TGM3: variants seen among roughly 807,000 people sequenced by gnomAD.
TGM3 encodes protein-glutamine gamma-glutamyltransferase E.
TGM3 carries 52 observed loss-of-function variants against 73.8 expected under a neutral mutation model. The ratio of observed to expected loss-of-function variants is 0.70; its 90% CI spans 0.56 to 0.89. The LOEUF (loss-of-function observed/expected upper bound fraction) is 0.89, where lower values mean the gene tolerates loss of function less well. TGM3 is among the 40% of genes least tolerant of loss of function. The pLI is 0.00. For synonymous variants in TGM3, 372 were observed against 354.9 expected, an observed-to-expected ratio of 1.05 and a Z score of -0.54; for missense variants, 928 against 909.9, an observed-to-expected ratio of 1.02 and a Z score of -0.26.
intron 4 of TGM3, 147 bp downstream of exon 4, chr20:2,311,276 A>G: frequency 1.5e-6 from 1 of 671,024 alleles, no homozygotes; most frequent in Non-Finnish European, 2.7e-6. Flanking sequence ...TTCATTGGCC[A>G]CCTATTATGT....
chr20:2,339,971 G>A lies in TGM3; in HGVS notation c.1918G>A (p.Gly640Ser). Residue 640 changes from glycine to serine, a missense_variant, in exon 12 of 13, where the codon GGT (glycine) becomes AGT (serine). Coordinates refer to ENST00000381458, the MANE Select transcript of TGM3 (RefSeq NM_003245.4). ...GGTGGAGGGAAGCGGCCTGCTGTTG[G>A]GTAACCTGAAGATCGAGTGAGTCCT... ...LMVEGSGLLL[G>S]NLKIDVPTLG... The A allele has an allele frequency of 6.9e-7, 1 of 1,439,040 alleles. No homozygotes were observed. The highest frequency in any genetic ancestry group is 9.3e-7 in the Non-Finnish European group (1 of 1,069,636). The allele number at this position is 1,439,040 out of a possible 1,614,324, so 89.1% of individuals were successfully genotyped here.
chr20:2,300,380 C>A (rs976408931), intron 1 of TGM3, among the ~76,000 whole-genome samples: 1 of 152,144 alleles, frequency 6.6e-6, no homozygotes, highest in African/African-American at 2.4e-5. Flanking sequence ...TTCTTCTGGG[C>A]AGCTGGGGTT....
chr20:2,314,173 C>T lies in TGM3; in HGVS notation c.669+1147C>T, dbSNP rs545820049. 2.2e-3 allele frequency among the ~76,000 whole-genome samples: 333 copies of T among 151,592 alleles called. 5 individuals are homozygous for T. The highest frequency in any genetic ancestry group is 6.9e-3 in the Middle Eastern group (2 of 290). On this transcript the variant is annotated intron_variant, in intron 5 of 12. Transcript: ENST00000381458. ...TGACAGAGTAAGACCCTATCTCAAA[C>T]AAACAAACAAAAATTAGCCAAGCAT...
Position 2,296,178 on chromosome 20 carries a change from G to T in TGM3, c.7+108G>T, listed in dbSNP as rs899957062. 4.4e-6 allele frequency: 6 copies of T among 1,361,138 alleles called. No individual in the cohort carries two copies. In the African/African-American group the frequency reaches 8.7e-5, roughly 20 times the overall value. The allele number at this position is 1,361,138 out of a possible 1,614,324, so 84.3% of individuals were successfully genotyped here. A position where few individuals can be genotyped will look rare whatever the true frequency, so the allele number is the denominator to read the frequency against. On this transcript the variant is annotated intron_variant, in intron 1 of 12. Transcript: ENST00000381458. ...GGCCAGGACAGCTGCCTGCCTTGGG[G>T]GCTCTGAAGGCCAGACTTCCTATTT...
intron 5 of TGM3, among the ~76,000 whole-genome samples, chr20:2,313,650 C>T (rs1192857902): frequency 1.9e-5 from 2 of 106,874 alleles, no homozygotes; most frequent in African/African-American, 5.0e-5. Flanking sequence ...CAATCACACA[C>T]ACTCTCTCTC....
intron 1 of TGM3, among the ~76,000 whole-genome samples, chr20:2,302,140 C>T (rs1273224950): frequency 6.6e-6 from 1 of 152,202 alleles, no homozygotes; most frequent in Non-Finnish European, 1.5e-5. Context: ...TAGCATCACT[C>T]CATGTTGGGC....
intron 11 of TGM3, among the ~76,000 whole-genome samples, chr20:2,338,693 T>G (rs2084363956): frequency 6.6e-6 from 1 of 152,150 alleles, no homozygotes; most frequent in African/African-American, 2.4e-5. Flanking sequence ...GCTCTGAGGA[T>G]TAGTGACAAG....
chr20:2,301,592 C>T (rs1367330284), intron 1 of TGM3, among the ~76,000 whole-genome samples: 3 of 151,744 alleles, frequency 2.0e-5, no homozygotes, highest in South Asian at 2.1e-4. Context: ...AAGCATTAGC[C>T]GTGTGAAACC....
rs1323668999 is a variant in TGM3 at position 2,328,202 on chromosome 20, C to T, written c.1170C>T (p.Phe390=). 4.3e-6 allele frequency: 7 copies of T among 1,614,030 alleles called. No individual in the cohort carries two copies. The highest frequency in any genetic ancestry group is 1.7e-5 in the Admixed American group (1 of 59,996). The change falls in exon 9 of 13, where the codon TTC becomes TTT. Residue 390 remains phenylalanine, a synonymous_variant. Transcript: ENST00000381458. This position sits in a 1 kb window ranked among gnomAD's most constrained non-coding sequence, Gnocchi z 5.2. The part of the protein sequence containing the change: ...VQLNFDMPFI[F]AEVNADRITW... The stretch of plus-strand genomic sequence containing the variant: ...TGAACTTCGACATGCCCTTTATCTT[C>T]GCGGAGGTTAATGCCGACCGCATCA...
intron 5 of TGM3, among the ~76,000 whole-genome samples, chr20:2,313,442 C>A (rs2084217371): frequency 6.6e-6 from 1 of 152,184 alleles, no homozygotes; most frequent in East Asian, 1.9e-4. Flanking sequence ...CTTTGCCTAA[C>A]TCATCTCTTC....
chr20:2,300,961 C>A (rs973906920), intron 1 of TGM3, among the ~76,000 whole-genome samples: 1 of 152,046 alleles, frequency 6.6e-6, no homozygotes. Context: ...CCAGGTCTCA[C>A]TGTCCCTCTT....
At chr20:2,327,643 T>C (rs941194500) in intron 8 of TGM3, among the ~76,000 whole-genome samples, 3 of 152,184 alleles carry the variant, frequency 2.0e-5, no homozygotes, top group African/African-American at 4.8e-5. Flanking sequence ...TCTATCTATC[T>C]AAGCTTCCTA....
chr20:2,326,863 G>A lies in TGM3; in HGVS notation c.1087+911G>A, dbSNP rs116443222. Among the ~76,000 whole-genome samples the A allele has an allele frequency of 8.0e-3, 1,211 of 151,810 alleles. 15 individuals carry two copies. Among genetic ancestry groups the A allele is most frequent in the African/African-American group, 0.027 (1,115 of 41,302 alleles). ...GACTCCGTCTAAAAAAAAAAAATGT[G>A]ATATATGAAGTAATATGTGCATGTA... On this transcript the variant is annotated intron_variant, in intron 8 of 12. Transcript: ENST00000381458.
chr20:2,296,162 AGCTGCCTGCCTTGGGGG>A, intron 1 of TGM3, 92 bp downstream of exon 1: 1 of 1,491,178 alleles, frequency 6.7e-7, no homozygotes, highest in Non-Finnish European at 9.1e-7. Context: ...CGGCCAGGAC[AGCTGCCTGCCTTGGGGG>A]CTCTGAAGGC....
intron 9 of TGM3, among the ~76,000 whole-genome samples, chr20:2,329,679 T>C (rs1365337130): frequency 6.6e-6 from 1 of 152,104 alleles, no homozygotes; most frequent in African/African-American, 2.4e-5. Context: ...GAAGGTGAAC[T>C]CTAGCCCTAC....
rs543569609 is a variant in TGM3, at chr20:2,312,833, T to A, written c.541-65T>A. ...TTCCTGTGGTTCTTGCCAGTGCAGT[T>A]CCCTTCTTGAGCCAACTCTCCTTGT... On this transcript the variant is annotated intron_variant, in intron 4 of 12. Coordinates refer to ENST00000381458, the MANE Select transcript of TGM3 (RefSeq NM_003245.4). 1.0e-5 allele frequency: 16 copies of A among 1,603,000 alleles called. No homozygotes were observed. The African/African-American group carries it at 1.5e-4, about 15-fold the overall frequency.
In TGM3 at chr20:2,339,914, C is replaced by T. The variant is rs913476273; in HGVS notation, c.1861C>T (p.Leu621=). The change falls in exon 12 of 13, where the codon CTG becomes TTG. Residue 621 remains leucine (L), a synonymous_variant. Transcript: ENST00000381458. ...VNVQMLFSNP[L]DEPVRDCVLM... is the part of the protein sequence containing the mutation. ...CGTGCAGATGCTCTTCTCCAATCCA[C>T]TGGATGAGCCGGTGAGGGACTGCGT... 2.6e-5 allele frequency: 42 copies of T among 1,612,924 alleles called. No homozygotes were observed. The highest frequency in any genetic ancestry group is 3.2e-5 in the Non-Finnish European group (38 of 1,179,456).
chr20:2,321,693 T>C (rs1192366301), intron 7 of TGM3, among the ~76,000 whole-genome samples: 1 of 152,172 alleles, frequency 6.6e-6, no homozygotes, highest in East Asian at 1.9e-4. Flanking sequence ...CTCCTGAGCT[T>C]ATGCTCCTGA....
At chr20:2,314,651 T>A (rs954725005) in intron 5 of TGM3, among the ~76,000 whole-genome samples, 1 of 150,916 alleles carries the variant, frequency 6.6e-6, no homozygotes, top group South Asian at 2.1e-4. Context: ...AGTCCGTTAG[T>A]TGCAGGCTGC....
Sources: gnomAD v4.1 joint callset for allele counts (sites outside exome capture counted in the v4.1 genomes callset) on GRCh38, gnomAD v4.1.1 for gene constraint, Gnocchi (gnomAD v3.1) non-coding constraint, MANE v1.5 for transcripts, NCBI Gene and HGNC (gene_info 2026-07-23, HGNC 2026-07-21) for gene names.